PRR5: variants seen among roughly 807,000 people sequenced by gnomAD.
PRR5 encodes the protein proline-rich protein 5.
Under a neutral mutation model 30.6 loss-of-function variants are expected in PRR5, and 25 were observed. The ratio of observed to expected loss-of-function variants is 0.82; its 90% CI spans 0.60 to 1.14. The LOEUF (loss-of-function observed/expected upper bound fraction) is 1.14. PRR5 is among the 50% of genes most tolerant of loss of function. The pLI is 0.00. For missense variants in PRR5, 600 were observed against 547.1 expected, an observed-to-expected ratio of 1.10 and a Z score of -0.96; for synonymous variants, 286 against 247.1, an observed-to-expected ratio of 1.16 and a Z score of -1.48.
intron 1 of PRR5, among the ~76,000 whole-genome samples, chr22:44,687,534 A>G (rs1924859080): frequency 6.6e-6 from 1 of 152,194 alleles, no homozygotes; most frequent in Non-Finnish European, 1.5e-5. Flanking sequence ...AGGAGGAGTC[A>G]GACAAGTTTT....
intron 1 of PRR5, among the ~76,000 whole-genome samples, chr22:44,713,564 C>G (rs1229534151): frequency 6.6e-6 from 1 of 152,226 alleles, no homozygotes. Context: ...CAGGGTCTCA[C>G]TATGTTGCCC....
intron 1 of PRR5, among the ~76,000 whole-genome samples, chr22:44,692,541 G>T (rs905464576): frequency 4.3e-5 from 6 of 140,784 alleles, no homozygotes; most frequent in African/African-American, 1.6e-4. Context: ...CCTCCCGGGG[G>T]CTCCTCCACC....
chr22:44,735,702 C>T (rs1403467199), intron 7 of PRR5, among the ~76,000 whole-genome samples: 2 of 152,180 alleles, frequency 1.3e-5, no homozygotes, highest in Non-Finnish European at 2.9e-5. Flanking sequence ...TCCCCTCCCG[C>T]GGGGGAGGCC....
At chr22:44,728,380 C>T (rs958278257) in intron 4 of PRR5, among the ~76,000 whole-genome samples, 3 of 152,202 alleles carry the variant, frequency 2.0e-5, no homozygotes, top group African/African-American at 7.2e-5. Context: ...CATGTCAGGC[C>T]CAGGTGACCT....
At chr22:44,708,725 G>A (rs946753485) in intron 1 of PRR5, among the ~76,000 whole-genome samples, 1 of 152,114 alleles carries the variant, frequency 6.6e-6, no homozygotes, top group African/African-American at 2.4e-5. Flanking sequence ...CCAGCACTTT[G>A]GGAGGCCAAT....
chr22:44,728,169 G>A lies in PRR5; in HGVS notation c.322+1535G>A, dbSNP rs191757753. ...AAGGGGCAGAGGACAGCCCTGGGAG[G>A]CCCAGCATCCTCTTCTGCCTCGCCA... On this transcript the variant is annotated intron_variant, in intron 4 of 7. Coordinates refer to ENST00000336985, the MANE Select transcript of PRR5 (RefSeq NM_181333.4). 2.2e-3 allele frequency among the ~76,000 whole-genome samples: 337 copies of A among 152,214 alleles called. 1 individual carries two copies. The highest frequency in any genetic ancestry group is 3.3e-3 in the Non-Finnish European group (222 of 67,924).
At chr22:44,721,503 A>C (rs1929929168) in intron 2 of PRR5, among the ~76,000 whole-genome samples, 1 of 152,192 alleles carries the variant, frequency 6.6e-6, no homozygotes, top group Non-Finnish European at 1.5e-5. Flanking sequence ...TGGCCCAACC[A>C]ATTGTGGTAG....
upstream of PRR5, among the ~76,000 whole-genome samples, chr22:44,672,476 C>T (rs867672236): frequency 3.3e-5 from 5 of 152,132 alleles, no homozygotes; most frequent in East Asian, 5.8e-4. Flanking sequence ...CCCAGCTACT[C>T]GGGAGGCTGA....
intron 4 of PRR5, among the ~76,000 whole-genome samples, chr22:44,727,124 T>A (rs796246679): frequency 1.7e-4 from 26 of 149,964 alleles, no homozygotes; most frequent in African/African-American, 5.4e-4. Context: ...ACAGTGATGA[T>A]AAGTGATTTG....
chr22:44,674,697 C>T (rs1374679580), upstream of PRR5, among the ~76,000 whole-genome samples: 5 of 149,434 alleles, frequency 3.3e-5, no homozygotes, highest in East Asian at 2.0e-4. Context: ...CCAGCCTGGG[C>T]GACAGAGAGA....
intron 1 of PRR5, among the ~76,000 whole-genome samples, chr22:44,687,572 G>A (rs1424315794): frequency 6.6e-6 from 1 of 152,186 alleles, no homozygotes; most frequent in African/African-American, 2.4e-5. Context: ...TCAGTGGGTA[G>A]ATCTTTTTCT....
intron 1 of PRR5, among the ~76,000 whole-genome samples, chr22:44,708,769 C>G (rs1927645841): frequency 6.6e-6 from 1 of 151,948 alleles, no homozygotes; most frequent in African/African-American, 2.4e-5. Flanking sequence ...GAGTTCAAGA[C>G]CAGCCTGGCC....
At chr22:44,727,801 G>A (rs989389602) in intron 4 of PRR5, among the ~76,000 whole-genome samples, 5 of 152,168 alleles carry the variant, frequency 3.3e-5, no homozygotes, top group South Asian at 2.1e-4. Flanking sequence ...CCTTCCTCAC[G>A]TCCACTGAAC....
chr22:44,729,559 G>A lies in PRR5; in HGVS notation c.323-2171G>A, dbSNP rs1281655435. The A allele has an allele frequency of 2.4e-5, 24 of 985,286 alleles. No individual in the cohort carries two copies. In the Admixed American group the frequency reaches 7.4e-4, roughly 30 times the overall value. 61.0% of individuals were successfully genotyped at this position (985,286 alleles called of 1,614,324 possible). ...TCAGCTTTCGACCTGCCCACGTGGGGACGTGTATCACGCCCCTTTCATAGA... is the reference window on the plus strand; with the variant it reads ...TCAGCTTTCGACCTGCCCACGTGGGAACGTGTATCACGCCCCTTTCATAGA... On this transcript the variant is annotated intron_variant, in intron 4 of 7. Transcript: ENST00000336985.
At chr22:44,712,710 C>T (rs531141510) in intron 1 of PRR5, among the ~76,000 whole-genome samples, 4 of 152,198 alleles carry the variant, frequency 2.6e-5, no homozygotes, top group Non-Finnish European at 4.4e-5. Context: ...GTGTGGGCAG[C>T]ATCGTGTGGA....
intron 1 of PRR5, among the ~76,000 whole-genome samples, chr22:44,707,931 G>A (rs1004661912): frequency 6.6e-6 from 1 of 152,156 alleles, no homozygotes; most frequent in African/African-American, 2.4e-5. Flanking sequence ...GGCAGTTGTA[G>A]TGCGTGGCCC....
At chr22:44,696,788 G>C (rs1164214165) in intron 1 of PRR5, among the ~76,000 whole-genome samples, 1 of 151,314 alleles carries the variant, frequency 6.6e-6, no homozygotes, top group South Asian at 2.1e-4. Context: ...CCAGGCTAGA[G>C]TGCAGTGGCA....
At chr22:44,721,095 C>T (rs1274162395) in intron 2 of PRR5, among the ~76,000 whole-genome samples, 2 of 152,156 alleles carry the variant, frequency 1.3e-5, no homozygotes, top group African/African-American at 2.4e-5. Context: ...CCCAGTTGAC[C>T]CCCGGGACCC....
At chr22:44,731,465 T>G in intron 4 of PRR5, 1 of 542,496 alleles carries the variant, frequency 1.8e-6, no homozygotes, top group South Asian at 2.2e-5. Flanking sequence ...AAGTTCCCTG[T>G]GCCTTAGGCT....
Sources: gnomAD v4.1 joint callset for allele counts (sites outside exome capture counted in the v4.1 genomes callset) on GRCh38, gnomAD v4.1.1 for gene constraint, MANE v1.5 for transcripts, NCBI Gene and HGNC (gene_info 2026-07-23, HGNC 2026-07-21) for gene names.